SPATS2: variants seen among roughly 807,000 people sequenced by gnomAD.
The protein encoded by SPATS2 is spermatogenesis-associated serine-rich protein 2.
SPATS2 carries 38 observed loss-of-function variants against 63.7 expected under a neutral mutation model. That is an observed-to-expected ratio of 0.60 (90% confidence interval 0.46 to 0.78). The LOEUF (loss-of-function observed/expected upper bound fraction) is 0.78, where lower values mean the gene tolerates loss of function less well. SPATS2 is among the 30% of genes least tolerant of loss of function. The pLI, the probability that SPATS2 is intolerant of heterozygous loss-of-function variation, is 0.00. For missense variants in SPATS2, 588 were observed against 666.2 expected (o/e 0.88, Z 1.29); for synonymous variants, 207 against 232.9 (o/e 0.89, Z 1.01).
chr12:49,409,375 G>A (rs113840812), intron 2 of SPATS2, among the ~76,000 whole-genome samples: 8,265 of 151,498 alleles, frequency 0.055, 324 homozygotes, highest in Non-Finnish European at 0.077. Context: ...TCACGATCTC[G>A]GCTCACTGCA....
At chr12:49,429,326 T>A (rs943888352) in intron 2 of SPATS2, among the ~76,000 whole-genome samples, 8 of 152,224 alleles carry the variant, frequency 5.3e-5, no homozygotes, top group Non-Finnish European at 7.3e-5. Flanking sequence ...TTTATGGTGA[T>A]CAAGTCTTAC....
In SPATS2 at chr12:49,494,991, T is replaced by C. The variant is rs759944887; in HGVS notation, c.515T>C (p.Leu172Pro). Residue 172 changes from leucine to proline, a missense_variant, in exon 7 of 14, where the codon CTG becomes CCG. Coordinates refer to ENST00000552918, the MANE Select transcript of SPATS2 (RefSeq NM_023071.4). ...EDPESAMLDT[L>P]DRTGSMLQNG... ...CCCGAGTCTGCCATGCTAGATACGC[T>C]GGATAGAACAGGTGAGTTTATTAAC... 3.1e-6 allele frequency: 5 copies of C among 1,602,468 alleles called. No individual in the cohort carries two copies. The East Asian group carries it at 1.1e-4, about 36-fold the overall frequency.
chr12:49,466,429 A>C (rs746612872), intron 3 of SPATS2, among the ~76,000 whole-genome samples: 1 of 152,146 alleles, frequency 6.6e-6, no homozygotes, highest in South Asian at 2.1e-4. Context: ...CAGCCTCCCA[A>C]AGTGCTGGGA....
At chr12:49,412,221 TTCTC>T (rs1304133088) in intron 2 of SPATS2, among the ~76,000 whole-genome samples, 1 of 152,174 alleles carries the variant, frequency 6.6e-6, no homozygotes, top group African/African-American at 2.4e-5. Flanking sequence ...TTGAGATGGA[TTCTC>T]TCTCTGTCGC....
chr12:49,472,485 G>A (rs1463999072), intron 3 of SPATS2, among the ~76,000 whole-genome samples: 1 of 150,470 alleles, frequency 6.6e-6, no homozygotes, highest in Non-Finnish European at 1.5e-5. Context: ...GAAGAAACTT[G>A]GATTATATTT....
intron 3 of SPATS2, among the ~76,000 whole-genome samples, chr12:49,483,170 G>A (rs1042749237): frequency 6.7e-6 from 1 of 148,776 alleles, no homozygotes; most frequent in Non-Finnish European, 1.5e-5. Context: ...TAGATAAGAG[G>A]CTAGTAATAG....
At chr12:49,506,006 C>CAT (rs35928235) in intron 9 of SPATS2, among the ~76,000 whole-genome samples, 13,413 of 152,182 alleles carry the variant, frequency 0.088, 690 homozygotes, top group African/African-American at 0.13. Flanking sequence ...TTTGTATACC[C>CAT]ATACAACCAT....
intron 2 of SPATS2, among the ~76,000 whole-genome samples, chr12:49,371,958 T>G (rs1044040310): frequency 6.6e-6 from 1 of 151,936 alleles, no homozygotes; most frequent in African/African-American, 2.4e-5. Flanking sequence ...TCAGGTTTTT[T>G]TTTTTTTTTT....
intron 10 of SPATS2, 103 bp downstream of exon 10, chr12:49,514,716 G>A (rs1425685214): frequency 6.1e-6 from 6 of 979,992 alleles, no homozygotes; most frequent in Non-Finnish European, 9.0e-6. Flanking sequence ...CATAATAAGA[G>A]TTTATATATT....
chr12:49,409,698 G>A (rs1160106325), intron 2 of SPATS2, among the ~76,000 whole-genome samples: 1 of 148,984 alleles, frequency 6.7e-6, no homozygotes, highest in Non-Finnish European at 1.5e-5. Flanking sequence ...CGCCTCTCAG[G>A]TTCAAGCAAT....
intron 2 of SPATS2, among the ~76,000 whole-genome samples, chr12:49,458,557 A>G (rs1945761311): frequency 2.0e-5 from 3 of 151,862 alleles, no homozygotes; most frequent in African/African-American, 7.3e-5. Flanking sequence ...AGGCGGGCAG[A>G]TTACTTGAGG....
chr12:49,491,657 C>A (rs535731963), intron 6 of SPATS2, among the ~76,000 whole-genome samples: 1 of 152,352 alleles, frequency 6.6e-6, no homozygotes, highest in East Asian at 1.9e-4. Flanking sequence ...GTTCCACTAT[C>A]TACTGGCATT....
At chr12:49,490,859 T>C in intron 6 of SPATS2, 128 bp downstream of exon 6, 1 of 877,286 alleles carries the variant, frequency 1.1e-6, no homozygotes, top group East Asian at 2.7e-5. Context: ...AAAACATCTT[T>C]GGCCAGGTGC....
At chr12:49,408,552 CTTTTTTTTTT>C (rs772842153) in intron 2 of SPATS2, among the ~76,000 whole-genome samples, 3 of 116,066 alleles carry the variant, frequency 2.6e-5, no homozygotes, top group Non-Finnish European at 5.3e-5. Context: ...TGTGCCTGGC[CTTTTTTTTTT>C]TTTTTTTTTT....
intron 12 of SPATS2, among the ~76,000 whole-genome samples, chr12:49,524,126 A>T (rs1021734011): frequency 1.3e-5 from 2 of 152,148 alleles, no homozygotes; most frequent in African/African-American, 2.4e-5. Flanking sequence ...TGAATTTGGG[A>T]TTAATTTTGC....
chr12:49,514,846 T>A (rs1374764592), intron 10 of SPATS2, among the ~76,000 whole-genome samples: 2 of 152,250 alleles, frequency 1.3e-5, no homozygotes, highest in African/African-American at 4.8e-5. Context: ...GAGTTCAGTG[T>A]ATAAGAGACT....
At chr12:49,381,224 A>G (rs575095977) in intron 2 of SPATS2, among the ~76,000 whole-genome samples, 36 of 152,272 alleles carry the variant, frequency 2.4e-4, no homozygotes, top group African/African-American at 7.7e-4. Flanking sequence ...CCTTTGCCCA[A>G]TTTCAAATTG....
At chr12:49,402,026 G>C (rs1944614131) in intron 2 of SPATS2, among the ~76,000 whole-genome samples, 1 of 152,224 alleles carries the variant, frequency 6.6e-6, no homozygotes, top group Admixed American at 6.5e-5. Context: ...GCCCAGGCTG[G>C]AGTGCAGTGG....
chr12:49,451,165 C>T (rs2137613476), intron 2 of SPATS2, among the ~76,000 whole-genome samples: 1 of 152,314 alleles, frequency 6.6e-6, no homozygotes, highest in Admixed American at 6.5e-5. Context: ...AGCCACCATG[C>T]CCGGCCAGGT....
Sources: gnomAD v4.1 joint callset for allele counts (sites outside exome capture counted in the v4.1 genomes callset) on GRCh38, gnomAD v4.1.1 for gene constraint, MANE v1.5 for transcripts, NCBI Gene and HGNC (gene_info 2026-07-23, HGNC 2026-07-21) for gene names.